TRIM14: variants seen among roughly 807,000 people sequenced by gnomAD.
TRIM14 encodes the protein tripartite motif containing 14.
TRIM14 carries 28 observed loss-of-function variants against 44.5 expected under a neutral mutation model. The observed-to-expected ratio is 0.63, with a 90% confidence interval of 0.47 to 0.86. TRIM14 has a LOEUF of 0.86. Among genes scored for constraint, TRIM14 ranks in the 40% least tolerant of loss-of-function variants. TRIM14 has a pLI of 0.00. For missense variants in TRIM14, 607 were observed against 611.1 expected, an observed-to-expected ratio of 0.99 and a Z score of 0.07; for synonymous variants, 299 against 269.2, an observed-to-expected ratio of 1.11 and a Z score of -1.08.
chr9:98,063,473 C>A, the TRIM14 span, among the ~76,000 whole-genome samples: 1 of 152,060 alleles, frequency 6.6e-6, no homozygotes, highest in Non-Finnish European at 1.5e-5. Context: ...AACTTTTGAC[C>A]TCAGGTTATC....
At chr9:98,057,850 T>C in the TRIM14 span, among the ~76,000 whole-genome samples, 2 of 146,768 alleles carry the variant, frequency 1.4e-5, no homozygotes, top group African/African-American at 2.5e-5. Flanking sequence ...TATTTATCTA[T>C]GTTAGAGACA....
At chr9:98,099,452 C>CAAAAA (rs768209860) in intron 3 of TRIM14, among the ~76,000 whole-genome samples, 3 of 36,806 alleles carry the variant, frequency 8.2e-5, no homozygotes, top group Admixed American at 2.9e-4. Context: ...AACTCCATCT[C>CAAAAA]AAAAAAAAAA....
downstream of TRIM14, among the ~76,000 whole-genome samples, chr9:98,083,713 TG>T (rs1438075495): frequency 1.3e-5 from 2 of 152,154 alleles, no homozygotes; most frequent in Non-Finnish European, 1.5e-5. Flanking sequence ...TCCATTCAGA[TG>T]GGGGCAGATG....
the TRIM14 span, among the ~76,000 whole-genome samples, chr9:98,062,777 GTTTT>G: frequency 1.8e-5 from 2 of 109,314 alleles, no homozygotes; most frequent in Non-Finnish European, 3.7e-5. Context: ...AGTTATTTCA[GTTTT>G]TTTTTTTTTT....
At chr9:98,041,229 A>C in the TRIM14 span, among the ~76,000 whole-genome samples, 9 of 152,342 alleles carry the variant, frequency 5.9e-5, no homozygotes, top group African/African-American at 1.9e-4. Flanking sequence ...CTTGTAACCC[A>C]CAAATAATTT....
intron 1 of TRIM14, among the ~76,000 whole-genome samples, chr9:98,116,478 T>C (rs1827057449): frequency 6.6e-6 from 1 of 152,116 alleles, no homozygotes; most frequent in Admixed American, 6.6e-5. Flanking sequence ...CCAATGTGTA[T>C]GGGTATCACA....
the TRIM14 span, among the ~76,000 whole-genome samples, chr9:98,036,950 T>C: frequency 2.0e-5 from 3 of 152,220 alleles, no homozygotes; most frequent in Non-Finnish European, 4.4e-5. Flanking sequence ...ACCTGACTTG[T>C]CACCTTGTCT....
downstream of TRIM14, among the ~76,000 whole-genome samples, chr9:98,067,985 G>A (rs564676446): frequency 5.9e-5 from 9 of 151,988 alleles, no homozygotes; most frequent in Admixed American, 2.0e-4. Context: ...GCCTCCCAAA[G>A]TGCTGGGATT....
At chr9:98,063,442 A>G in the TRIM14 span, among the ~76,000 whole-genome samples, 2 of 151,874 alleles carry the variant, frequency 1.3e-5, no homozygotes, top group African/African-American at 2.4e-5. Flanking sequence ...GGGTTTCACC[A>G]TGTTGGCCAG....
At chr9:98,106,400 G>A (rs1206707718) in intron 2 of TRIM14, among the ~76,000 whole-genome samples, 1 of 152,220 alleles carries the variant, frequency 6.6e-6, no homozygotes, top group Non-Finnish European at 1.5e-5. Flanking sequence ...GAGCCAGGTT[G>A]TTAACACTGA....
At chr9:98,052,162 C>T in the TRIM14 span, among the ~76,000 whole-genome samples, 1 of 152,072 alleles carries the variant, frequency 6.6e-6, no homozygotes, top group Non-Finnish European at 1.5e-5. Context: ...GGACTCTATC[C>T]TCCTTCAATT....
At chr9:98,041,971 C>G in the TRIM14 span, among the ~76,000 whole-genome samples, 1 of 151,658 alleles carries the variant, frequency 6.6e-6, no homozygotes, top group South Asian at 2.1e-4. Flanking sequence ...GCAAGAGCCA[C>G]CGCGCCTGGC....
At chr9:98,052,786 G>A in the TRIM14 span, among the ~76,000 whole-genome samples, 1 of 152,276 alleles carries the variant, frequency 6.6e-6, no homozygotes, top group South Asian at 2.1e-4. Flanking sequence ...GAATACACGC[G>A]TGAGCCACCG....
chr9:98,055,865 G>A, the TRIM14 span, among the ~76,000 whole-genome samples: 1 of 152,040 alleles, frequency 6.6e-6, no homozygotes, highest in Non-Finnish European at 1.5e-5. Flanking sequence ...AGCCTCTCGA[G>A]TAGCTGGGAT....
the TRIM14 span, among the ~76,000 whole-genome samples, chr9:98,062,758 G>C: frequency 6.7e-6 from 1 of 148,466 alleles, no homozygotes; most frequent in Non-Finnish European, 1.5e-5. Context: ...CTCTACTTTT[G>C]GATACGGAAG....
intron 2 of TRIM14, among the ~76,000 whole-genome samples, chr9:98,102,040 A>G (rs1238296896): frequency 6.6e-6 from 1 of 151,870 alleles, no homozygotes; most frequent in African/African-American, 2.4e-5. Flanking sequence ...AGAAAAAAAC[A>G]TTGAAAAATG....
the TRIM14 span, among the ~76,000 whole-genome samples, chr9:98,037,251 ACCTGTAATC>A: frequency 6.6e-6 from 1 of 151,886 alleles, no homozygotes; most frequent in Non-Finnish European, 1.5e-5. Flanking sequence ...GGTGGCAGGC[ACCTGTAATC>A]CCAGCTACTT....
At chr9:98,081,429 C>A, downstream of TRIM14, 1 of 241,418 alleles carries the variant, frequency 4.1e-6, no homozygotes, top group Non-Finnish European at 8.1e-6. Flanking sequence ...AGTCTGGGCT[C>A]CCTTGGAGCA....
At chr9:98,057,155 C>T in the TRIM14 span, among the ~76,000 whole-genome samples, 13 of 152,370 alleles carry the variant, frequency 8.5e-5, 1 homozygote, top group South Asian at 1.2e-3. Flanking sequence ...CCTCCTAACC[C>T]GACCTGTTTC....
Sources: allele counts gnomAD v4.1 joint callset (sites outside exome capture counted in the v4.1 genomes callset), GRCh38; gene constraint gnomAD v4.1.1; transcripts MANE v1.5; gene names NCBI Gene and HGNC (gene_info 2026-07-23, HGNC 2026-07-21).